The following PAXBP1 variants were observed in gnomAD, a reference collection of about 807,000 sequenced individuals.
PAXBP1 encodes the protein PAX3- and PAX7-binding protein 1.
Under a neutral mutation model 119.9 loss-of-function variants are expected in PAXBP1, and 44 were observed. The observed-to-expected ratio is 0.37, with a 90% confidence interval of 0.29 to 0.47. The LOEUF (loss-of-function observed/expected upper bound fraction) is 0.47, where lower values mean the gene tolerates loss of function less well. Among genes scored for constraint, PAXBP1 ranks in the 20% least tolerant of loss-of-function variants. PAXBP1 has a pLI of 0.99. For synonymous variants in PAXBP1, 393 were observed against 406.6 expected, an observed-to-expected ratio of 0.97 and a Z score of 0.40; for missense variants, 898 against 1,134.1, an observed-to-expected ratio of 0.79 and a Z score of 2.99.
intron 17 of PAXBP1, among the ~76,000 whole-genome samples, chr21:32,735,400 G>A (rs541515734): frequency 6.6e-6 from 1 of 152,290 alleles, no homozygotes; most frequent in East Asian, 1.9e-4. Flanking sequence ...TCAGAGGCCT[G>A]TCTCCCATTC....
At chr21:32,765,657 T>C (rs1035462160) in intron 2 of PAXBP1, among the ~76,000 whole-genome samples, 6 of 152,168 alleles carry the variant, frequency 3.9e-5, no homozygotes, top group African/African-American at 1.4e-4. Flanking sequence ...CCTCCCCTCT[T>C]TTTAACTTTA....
At chr21:32,752,400 C>T (rs111980085) in intron 8 of PAXBP1, among the ~76,000 whole-genome samples, 269 of 151,636 alleles carry the variant, frequency 1.8e-3, no homozygotes, top group Middle Eastern at 6.8e-3. Context: ...TTTAGTTCCA[C>T]ACTATGAAGA....
In PAXBP1 at chr21:32,761,280, G is replaced by T. The variant is rs1000802342; in HGVS notation, c.872-118C>A. On this transcript the variant is annotated intron_variant, in intron 4 of 17. Transcript: ENST00000331923. ...ACTATTAACTCAATCTTACTAAAAT[G>T]TCTAATATGATCTCCTCTCTCATTT... 1.7e-5 allele frequency: 13 copies of T among 764,350 alleles called. No individual in the cohort carries two copies. In the African/African-American group the frequency reaches 2.1e-4, roughly 12 times the overall value. The allele number at this position is 764,350 out of a possible 1,614,324, so 47.3% of individuals were successfully genotyped here.
chr21:32,759,745 G>A (rs376696873), intron 6 of PAXBP1, 32 bp downstream of exon 6: 45 of 1,551,530 alleles, frequency 2.9e-5, no homozygotes, highest in Non-Finnish European at 3.6e-5. Context: ...GAAAGCTAGC[G>A]GACAGGTCTT....
chr21:32,750,580 T>C (rs569855889), intron 10 of PAXBP1, among the ~76,000 whole-genome samples: 44 of 152,348 alleles, frequency 2.9e-4, no homozygotes, highest in African/African-American at 9.9e-4. Flanking sequence ...CTGAGTGCTC[T>C]ACTGCCAAGC....
rs1381968076 is a variant in PAXBP1, at chr21:32,771,300, A to C, written c.343+26T>G. 3.8e-6 allele frequency: 6 copies of C among 1,559,412 alleles called. No homozygotes were observed. In the South Asian group the frequency reaches 6.8e-5, roughly 18 times the overall value. On this transcript the variant is annotated intron_variant, in intron 1 of 17. Coordinates refer to ENST00000331923, the MANE Select transcript of PAXBP1 (RefSeq NM_016631.4). ...GCCTGCGTCGGGGATGCGGCCGTCT[A>C]AGGGCGTCCGAAGCGCGCACTTTAC...
chr21:32,738,186 T>C lies in PAXBP1; in HGVS notation c.2468A>G (p.Lys823Arg), dbSNP rs1317438507. Residue 823 changes from lysine (K) to arginine (R), a missense_variant, in exon 16 of 18, where the codon AAA becomes AGA. Physicochemically the swap from Lys to Arg is conservative, Grantham distance 26 (BLOSUM62 2). Coordinates refer to ENST00000331923, the MANE Select transcript of PAXBP1 (RefSeq NM_016631.4). ...CATTTAACTCACATTTTGGGCTTTT[T>C]TGATGCTGTCATCTCCATATTCTGA... ...QNSEYGDDSIKKAQNVINCFP... is the reference protein window; with the variant it reads ...QNSEYGDDSIRKAQNVINCFP... The C allele has an allele frequency of 1.9e-6, 3 of 1,574,308 alleles. No individual in the cohort carries two copies. The highest frequency in any genetic ancestry group is 2.6e-6 in the Non-Finnish European group (3 of 1,167,610).
At chr21:32,760,898 CGTGCGTGTGTGTGTGTGTGT>C (rs762458442) in intron 5 of PAXBP1, among the ~76,000 whole-genome samples, 141 bp downstream of exon 5, 14 of 121,508 alleles carry the variant, frequency 1.2e-4, no homozygotes, top group Non-Finnish European at 1.8e-4. Context: ...TGTGTGCGTG[CGTGCGTGTGTGTGTGTGTGT>C]GTGTGTGTGT....
intron 1 of PAXBP1, among the ~76,000 whole-genome samples, chr21:32,770,235 A>T (rs2044313573): frequency 6.6e-6 from 1 of 152,218 alleles, no homozygotes; most frequent in Non-Finnish European, 1.5e-5. Context: ...GGAAAAAATC[A>T]TTCAAAATGT....
At chr21:32,759,610 T>A in intron 6 of PAXBP1, 167 bp downstream of exon 6, 1 of 664,420 alleles carries the variant, frequency 1.5e-6, no homozygotes, top group Non-Finnish European at 2.6e-6. Context: ...ACAGAAGTAA[T>A]CCAAGAAGGT....
chr21:32,740,852 C>T (rs1249168544), intron 15 of PAXBP1, among the ~76,000 whole-genome samples: 3 of 151,588 alleles, frequency 2.0e-5, no homozygotes, highest in African/African-American at 4.8e-5. Context: ...ATATGATAAA[C>T]GACTTCTCTC....
chr21:32,738,404 A>C (rs1326768623), intron 15 of PAXBP1, 85 bp from the exon 16 acceptor site: 2 of 1,110,188 alleles, frequency 1.8e-6, no homozygotes, highest in Non-Finnish European at 2.5e-6. Flanking sequence ...CACCATATGA[A>C]ATACAGCAGA....
intron 8 of PAXBP1, among the ~76,000 whole-genome samples, chr21:32,754,149 A>G (rs1192969802): frequency 6.6e-6 from 1 of 152,202 alleles, no homozygotes; most frequent in East Asian, 1.9e-4. Flanking sequence ...CCCATCTGAC[A>G]TATAGGAGGA....
At chr21:32,767,288 A>G (rs2044257321) in intron 2 of PAXBP1, among the ~76,000 whole-genome samples, 2 of 152,204 alleles carry the variant, frequency 1.3e-5, no homozygotes, top group East Asian at 1.9e-4. Context: ...TGGATTGCCA[A>G]TTAATGACAG....
chr21:32,768,833 C>G (rs2044286035), intron 2 of PAXBP1, among the ~76,000 whole-genome samples: 1 of 152,240 alleles, frequency 6.6e-6, no homozygotes, highest in Admixed American at 6.5e-5. Flanking sequence ...AAATCATCTA[C>G]TCTGACCTGT....
chr21:32,751,716 T>C (rs2043960913), intron 8 of PAXBP1: 1 of 153,106 alleles, frequency 6.5e-6, no homozygotes, highest in Non-Finnish European at 1.5e-5. Flanking sequence ...TTGTTTTCTA[T>C]CACTATTTTT....
intron 11 of PAXBP1, among the ~76,000 whole-genome samples, chr21:32,748,072 C>G (rs973931588): frequency 3.3e-5 from 5 of 151,978 alleles, no homozygotes; most frequent in African/African-American, 1.2e-4. Context: ...CAAGCATGAG[C>G]CACCATGCCT....
chr21:32,766,598 A>G (rs937149931), intron 2 of PAXBP1, among the ~76,000 whole-genome samples: 1 of 152,104 alleles, frequency 6.6e-6, no homozygotes, highest in African/African-American at 2.4e-5. Context: ...CAAACTTCCC[A>G]AGGAAGCAGT....
intron 5 of PAXBP1, 103 bp downstream of exon 5, chr21:32,760,956 T>C (rs2044134226): frequency 2.4e-6 from 2 of 840,108 alleles, no homozygotes; most frequent in East Asian, 5.0e-5. Flanking sequence ...ATTTTGTTAC[T>C]TGAAATGAAT....
Sources: gnomAD v4.1 joint callset for allele counts (sites outside exome capture counted in the v4.1 genomes callset) on GRCh38, gnomAD v4.1.1 for gene constraint, MANE v1.5 for transcripts, NCBI Gene and HGNC (gene_info 2026-07-23, HGNC 2026-07-21) for gene names.